The following MELK variants were observed in gnomAD, a reference collection of about 807,000 sequenced individuals.
The protein encoded by MELK is pEg3 kinase.
MELK carries 81 observed loss-of-function variants against 85.0 expected under a neutral mutation model. That is an observed-to-expected ratio of 0.95 (90% CI 0.80 to 1.15). MELK has a LOEUF of 1.15. Among genes scored for constraint, MELK ranks in the 50% most tolerant of loss-of-function variants. MELK has a pLI of 0.00. For synonymous variants in MELK, 252 were observed against 265.0 expected, an observed-to-expected ratio of 0.95 and a Z score of 0.48; for missense variants, 754 against 777.5, an observed-to-expected ratio of 0.97 and a Z score of 0.36.
At chr9:36,664,580 TAAAAG>T (rs1364266578) in intron 13 of MELK, among the ~76,000 whole-genome samples, 2 of 152,224 alleles carry the variant, frequency 1.3e-5, no homozygotes, top group Non-Finnish European at 2.9e-5. Context: ...TACAAATTAT[TAAAAG>T]AAACTTCATT....
At chr9:36,676,546 A>G (rs892572667) in intron 17 of MELK, among the ~76,000 whole-genome samples, 7 of 152,174 alleles carry the variant, frequency 4.6e-5, no homozygotes, top group Admixed American at 3.9e-4. Context: ...AGTTCTATCT[A>G]TAAATGCCGT....
chr9:36,591,081 A>G (rs1443843074), intron 4 of MELK, among the ~76,000 whole-genome samples: 1 of 150,354 alleles, frequency 6.7e-6, no homozygotes, highest in African/African-American at 2.4e-5. Context: ...GACAGAACAA[A>G]CCCCTGTCTC....
chr9:36,610,600 C>T (rs1825981335), intron 8 of MELK, among the ~76,000 whole-genome samples: 1 of 152,234 alleles, frequency 6.6e-6, no homozygotes, highest in South Asian at 2.1e-4. Context: ...TTGTTTTCCT[C>T]CTGTCACTTC....
At chr9:36,620,664 C>T (rs1389733463) in intron 8 of MELK, among the ~76,000 whole-genome samples, 5 of 151,236 alleles carry the variant, frequency 3.3e-5, no homozygotes, top group African/African-American at 9.7e-5. Flanking sequence ...GATTCTCCTG[C>T]CTCAGCCTCC....
chr9:36,581,584 G>A (rs1039293726), intron 1 of MELK, 60 bp from the exon 2 acceptor site: 2 of 843,166 alleles, frequency 2.4e-6, no homozygotes, highest in African/African-American at 1.7e-5. Flanking sequence ...GCAGTTACAA[G>A]AATGGAGGAG....
intron 10 of MELK, among the ~76,000 whole-genome samples, chr9:36,641,180 G>A (rs899018108): frequency 2.0e-5 from 3 of 152,156 alleles, no homozygotes; most frequent in African/African-American, 4.8e-5. Context: ...ATAGGAATAC[G>A]CAAATTTCTG....
At chr9:36,613,678 A>C (rs1294096222) in intron 8 of MELK, among the ~76,000 whole-genome samples, 3 of 152,144 alleles carry the variant, frequency 2.0e-5, no homozygotes, top group African/African-American at 4.8e-5. Flanking sequence ...GAGGGATGTG[A>C]GAGTGTCAAG....
intron 8 of MELK, among the ~76,000 whole-genome samples, chr9:36,612,273 T>A (rs567973489): frequency 6.0e-4 from 91 of 152,024 alleles, no homozygotes; most frequent in African/African-American, 2.2e-3. Context: ...TTTTTGTAGT[T>A]TTAGTAGGGA....
At chr9:36,618,959 ATT>A (rs60381894) in intron 8 of MELK, among the ~76,000 whole-genome samples, 59 of 141,588 alleles carry the variant, frequency 4.2e-4, no homozygotes, top group East Asian at 1.0e-3. Context: ...AACTCTAAGT[ATT>A]TTTTTTTTTT....
At chr9:36,598,602 G>A (rs1386092845) in intron 6 of MELK, among the ~76,000 whole-genome samples, 2 of 152,126 alleles carry the variant, frequency 1.3e-5, no homozygotes, top group African/African-American at 4.8e-5. Context: ...ATTTATAACT[G>A]CATCTAGAAA....
intron 8 of MELK, among the ~76,000 whole-genome samples, chr9:36,619,609 A>G (rs1035440111): frequency 6.6e-6 from 1 of 151,306 alleles, no homozygotes; most frequent in African/African-American, 2.5e-5. Flanking sequence ...TATTATGTAG[A>G]TTTAAAAAAA....
chr9:36,618,953 C>CT (rs1827121954), intron 8 of MELK, among the ~76,000 whole-genome samples: 1 of 147,906 alleles, frequency 6.8e-6, no homozygotes, highest in Non-Finnish European at 1.5e-5. Flanking sequence ...ATGGTCAACT[C>CT]TAAGTATTTT....
Position 36,636,794 on chromosome 9 carries a change from T to TCTGTCTGTCTG in MELK, c.834+3594_834+3595insCTGTCTGTCTG, listed in dbSNP as rs1376599498. ...TTTCTTTCTTTCTTTCTGTCTGTCTTTCTTTCTTTCTGTCTTTCTTTCTTT... is the reference window on the plus strand; with the variant it reads ...TTTCTTTCTTTCTTTCTGTCTGTCTTCTGTCTGTCTGTCTTTCTTTCTGTCTTTCTTTCTTT... On this transcript the variant is annotated intron_variant, in intron 10 of 17. Coordinates refer to ENST00000298048, the MANE Select transcript of MELK (RefSeq NM_014791.4). Among the ~76,000 whole-genome samples, 61 of 88,766 alleles carry TCTGTCTGTCTG rather than the reference T, an allele frequency of 6.9e-4. 1 individual carries two copies. Among genetic ancestry groups the TCTGTCTGTCTG allele is most frequent in the African/African-American group, 2.6e-3 (56 of 21,688 alleles). 58.2% of individuals were successfully genotyped at this position (88,766 alleles called of 152,430 possible).
chr9:36,633,058 C>T, intron 9 of MELK, 44 bp from the exon 10 acceptor site: 1 of 1,353,286 alleles, frequency 7.4e-7, no homozygotes. Context: ...TCTATGTTCT[C>T]TATTTGAAAT....
intron 5 of MELK, among the ~76,000 whole-genome samples, chr9:36,595,431 C>T (rs1478272419): frequency 2.0e-5 from 3 of 151,654 alleles, no homozygotes; most frequent in Non-Finnish European, 4.4e-5. Flanking sequence ...CCACCGCGCC[C>T]GGCCAGGCCA....
intron 12 of MELK, among the ~76,000 whole-genome samples, chr9:36,656,860 A>C (rs919275301): frequency 3.3e-5 from 5 of 152,104 alleles, no homozygotes; most frequent in African/African-American, 1.2e-4. Flanking sequence ...TAAGTGATCC[A>C]CCTGTGTCAG....
intron 8 of MELK, among the ~76,000 whole-genome samples, chr9:36,627,165 G>A (rs1480153747): frequency 6.6e-6 from 1 of 151,922 alleles, no homozygotes; most frequent in East Asian, 1.9e-4. Flanking sequence ...CCAGCATTGG[G>A]GTTCTCTGTT....
At chr9:36,663,381 G>T (rs1832046353) in intron 13 of MELK, among the ~76,000 whole-genome samples, 2 of 152,032 alleles carry the variant, frequency 1.3e-5, no homozygotes, top group African/African-American at 4.8e-5. Flanking sequence ...CACCCAGCCT[G>T]CTTTTCTTTA....
intron 5 of MELK, among the ~76,000 whole-genome samples, chr9:36,596,116 G>A (rs574263013): frequency 8.7e-5 from 13 of 149,806 alleles, no homozygotes; most frequent in African/African-American, 2.7e-4. Flanking sequence ...GTACCTGGCC[G>A]GAAACTATCT....
Sources: gnomAD v4.1 joint callset for allele counts (sites outside exome capture counted in the v4.1 genomes callset) on GRCh38, gnomAD v4.1.1 for gene constraint, MANE v1.5 for transcripts, NCBI Gene and HGNC (gene_info 2026-07-23, HGNC 2026-07-21) for gene names.